SGCZ: variants seen among roughly 807,000 people sequenced by gnomAD.
The protein encoded by SGCZ is sarcoglycan zeta, also known as zeta-sarcoglycan.
Under a neutral mutation model 41.3 loss-of-function variants are expected in SGCZ, and 40 were observed. That is an observed-to-expected ratio of 0.97 (90% CI 0.75 to 1.26). The LOEUF (loss-of-function observed/expected upper bound fraction) is 1.26. SGCZ is among the 50% of genes most tolerant of loss of function. The pLI is 0.00. For synonymous variants in SGCZ, 206 were observed against 137.5 expected (o/e 1.50, Z -3.49); for missense variants, 552 against 369.8 (o/e 1.49, Z -4.04).
At chr8:14,203,993 A>T (rs1224681574) in intron 4 of SGCZ, among the ~76,000 whole-genome samples, 1 of 151,884 alleles carries the variant, frequency 6.6e-6, no homozygotes, top group East Asian at 1.9e-4. Context: ...GAGCGCTCCA[A>T]GAAGAAAGAA....
chr8:14,797,272 A>G (rs185318812), intron 1 of SGCZ, among the ~76,000 whole-genome samples: 81 of 152,242 alleles, frequency 5.3e-4, no homozygotes, highest in African/African-American at 1.8e-3. Flanking sequence ...GGAACTTCCT[A>G]GAGACTTGTT....
At chr8:14,544,501 T>C (rs1803565342) in intron 2 of SGCZ, among the ~76,000 whole-genome samples, 1 of 152,022 alleles carries the variant, frequency 6.6e-6, no homozygotes, top group Admixed American at 6.6e-5. Flanking sequence ...AGGAGAGATA[T>C]TGCTAAATTC....
chr8:14,645,354 A>G (rs1454871806), intron 1 of SGCZ, among the ~76,000 whole-genome samples: 1 of 150,726 alleles, frequency 6.6e-6, no homozygotes, highest in African/African-American at 2.4e-5. Flanking sequence ...AATTGAAGGG[A>G]AAGTTTTCCT....
chr8:15,114,295 G>T (rs1316461343), intron 1 of SGCZ, among the ~76,000 whole-genome samples: 1 of 152,114 alleles, frequency 6.6e-6, no homozygotes, highest in African/African-American at 2.4e-5. Flanking sequence ...CTTACCAGCT[G>T]CATAACCTCA....
At chr8:14,308,285 T>C (rs1282952771) in intron 3 of SGCZ, among the ~76,000 whole-genome samples, 1 of 152,098 alleles carries the variant, frequency 6.6e-6, no homozygotes, top group African/African-American at 2.4e-5. Flanking sequence ...GGTGAAGTCA[T>C]GACAATAAGT....
chr8:14,578,553 G>A (rs1174928148), intron 1 of SGCZ, among the ~76,000 whole-genome samples: 1 of 152,080 alleles, frequency 6.6e-6, no homozygotes, highest in Admixed American at 6.5e-5. Flanking sequence ...AAGAAGTTTG[G>A]GAGGCTTGGA....
intron 2 of SGCZ, among the ~76,000 whole-genome samples, chr8:14,387,657 A>G (rs1296179964): frequency 1.3e-5 from 2 of 152,076 alleles, no homozygotes; most frequent in Non-Finnish European, 2.9e-5. Flanking sequence ...TGGCACTTTA[A>G]AAACACTTTT....
At chr8:14,747,586 AT>A (rs927461661) in intron 1 of SGCZ, among the ~76,000 whole-genome samples, 92 of 151,920 alleles carry the variant, frequency 6.1e-4, no homozygotes, top group African/African-American at 2.0e-3. Flanking sequence ...ATTTGTTATA[AT>A]TTTTTTCAGA....
chr8:14,478,445 T>A (rs28499026), intron 2 of SGCZ, among the ~76,000 whole-genome samples: 1 of 152,178 alleles, frequency 6.6e-6, no homozygotes, highest in African/African-American at 2.4e-5. Flanking sequence ...TGCTACATAC[T>A]GTATGATTCC....
At chr8:14,864,247 T>G (rs1803851039) in intron 1 of SGCZ, among the ~76,000 whole-genome samples, 1 of 140,092 alleles carries the variant, frequency 7.1e-6, no homozygotes. Context: ...ATGTTTCCTA[T>G]TTTTTTTCTA....
intron 1 of SGCZ, among the ~76,000 whole-genome samples, chr8:14,850,185 T>G (rs1439661067): frequency 2.0e-5 from 3 of 152,220 alleles, no homozygotes; most frequent in African/African-American, 7.2e-5. Flanking sequence ...AGTGTTAAAT[T>G]TCATTACATA....
At chr8:14,102,106 T>TATAA (rs1491151875) in intron 7 of SGCZ, among the ~76,000 whole-genome samples, 296 of 36,602 alleles carry the variant, frequency 8.1e-3, no homozygotes, top group African/African-American at 0.038. Flanking sequence ...ATATATATAA[T>TATAA]TTTTTTTTTT....
chr8:14,229,846 C>T (rs1452826691), intron 4 of SGCZ, among the ~76,000 whole-genome samples: 2 of 151,998 alleles, frequency 1.3e-5, no homozygotes, highest in South Asian at 2.1e-4. Flanking sequence ...CCCTCATCTA[C>T]ATTTTTTCTC....
intron 1 of SGCZ, among the ~76,000 whole-genome samples, chr8:14,713,930 G>C (rs756941961): frequency 2.6e-5 from 4 of 151,982 alleles, no homozygotes; most frequent in African/African-American, 4.8e-5. Flanking sequence ...ACTTTATAGA[G>C]AGGTAACTCC....
chr8:14,879,866 G>A (rs1804518888), intron 1 of SGCZ: 1 of 151,278 alleles, frequency 6.6e-6, no homozygotes, highest in Non-Finnish European at 1.5e-5. Context: ...TTGAGACAGA[G>A]TCTCGCTCTT....
chr8:14,526,010 T>A (rs1802936518), intron 2 of SGCZ, among the ~76,000 whole-genome samples: 2 of 152,130 alleles, frequency 1.3e-5, no homozygotes, highest in African/African-American at 2.4e-5. Flanking sequence ...GTATTAGGTT[T>A]CTGTAATAAT....
rs1209267504 is a variant in SGCZ at position 14,088,825 on chromosome 8, T to C, written c.*1618A>G. ...GCATTGCCAATATTTCTACTTTCAC[T>C]AACCACATCTTTTGCAACAAGTTCT... On this transcript the variant is annotated 3_prime_UTR_variant, in exon 8 of 8. Transcript: ENST00000382080. Among the ~76,000 whole-genome samples, 1 of 151,926 alleles carries C rather than the reference T, an allele frequency of 6.6e-6. No homozygotes were observed. Among genetic ancestry groups the C allele is most frequent in the African/African-American group, 2.4e-5 (1 of 41,424 alleles).
At chr8:14,271,928 AT>A (rs1291524237) in intron 3 of SGCZ, among the ~76,000 whole-genome samples, 1 of 152,212 alleles carries the variant, frequency 6.6e-6, no homozygotes, top group Non-Finnish European at 1.5e-5. Context: ...TTTCGTAAAT[AT>A]GGTGATGACC....
chr8:14,702,858 TAGATAGATAGATAG>T (rs1809201722), intron 1 of SGCZ, among the ~76,000 whole-genome samples: 1 of 147,204 alleles, frequency 6.8e-6, no homozygotes, highest in Admixed American at 6.8e-5. Flanking sequence ...GATAGATAGA[TAGATAGATAGATAG>T]ATAGATAGAT....
Sources: allele counts gnomAD v4.1 joint callset (sites outside exome capture counted in the v4.1 genomes callset), GRCh38; gene constraint gnomAD v4.1.1; transcripts MANE v1.5; gene names NCBI Gene and HGNC (gene_info 2026-07-23, HGNC 2026-07-21).